TCF7L2: variants seen among roughly 807,000 people sequenced by gnomAD.
The protein encoded by TCF7L2 is transcription factor 7 like 2.
TCF7L2 carries 23 observed loss-of-function variants against 77.9 expected under a neutral mutation model. The ratio of observed to expected loss-of-function variants is 0.30; its 90% CI spans 0.21 to 0.42. The LOEUF (loss-of-function observed/expected upper bound fraction) is 0.42. Among genes scored for constraint, TCF7L2 ranks in the 10% least tolerant of loss-of-function variants. The pLI, the probability that TCF7L2 is intolerant of heterozygous loss-of-function variation, is 1.00. For missense variants in TCF7L2, 654 were observed against 793.1 expected, an observed-to-expected ratio of 0.82 and a Z score of 2.11; for synonymous variants, 413 against 340.2, an observed-to-expected ratio of 1.21 and a Z score of -2.36.
At chr10:113,140,704 C>A (rs72828136) in intron 5 of TCF7L2, among the ~76,000 whole-genome samples, 7 of 152,206 alleles carry the variant, frequency 4.6e-5, no homozygotes, top group Non-Finnish European at 7.4e-5. Context: ...CGGGGGGTGG[C>A]TAAGGAGGCT....
At chr10:112,991,835 C>T (rs1399426241) in intron 4 of TCF7L2, among the ~76,000 whole-genome samples, 15 of 152,076 alleles carry the variant, frequency 9.9e-5, no homozygotes, top group African/African-American at 2.2e-4. Flanking sequence ...CCCACACTGG[C>T]GAACCTATGG....
chr10:113,049,606 A>G (rs1390656811), intron 5 of TCF7L2, among the ~76,000 whole-genome samples: 2 of 152,056 alleles, frequency 1.3e-5, no homozygotes, highest in African/African-American at 2.4e-5. Flanking sequence ...GTAACAGCCT[A>G]TCATCTATCT....
chr10:113,145,962 C>A (rs2136984567), intron 7 of TCF7L2, 49 bp from the exon 8 acceptor site: 2 of 1,222,892 alleles, frequency 1.6e-6, no homozygotes, highest in South Asian at 2.6e-5. Flanking sequence ...TTCTTGTCCC[C>A]ACCCCCACCC....
chr10:113,049,057 A>C (rs1475470128), intron 5 of TCF7L2, among the ~76,000 whole-genome samples: 1 of 152,114 alleles, frequency 6.6e-6, no homozygotes, highest in East Asian at 1.9e-4. Context: ...CTGGCTTGGA[A>C]AGTGTATTGC....
intron 5 of TCF7L2, chr10:113,089,365 A>G: frequency 6.2e-7 from 1 of 1,600,280 alleles, no homozygotes; most frequent in South Asian, 1.1e-5. Context: ...CTCGCTCCCG[A>G]GCCTTACTCT....
At chr10:113,019,619 A>T (rs1048628946) in intron 4 of TCF7L2, among the ~76,000 whole-genome samples, 1 of 152,282 alleles carries the variant, frequency 6.6e-6, no homozygotes, top group African/African-American at 2.4e-5. Context: ...TATGTTTTAA[A>T]TTGTACTTTC....
intron 5 of TCF7L2, among the ~76,000 whole-genome samples, chr10:113,115,779 C>G (rs2063653140): frequency 6.6e-6 from 1 of 152,114 alleles, no homozygotes; most frequent in South Asian, 2.1e-4. Flanking sequence ...TTAAAAACCA[C>G]AACTACCGAC....
chr10:112,959,147 A>G (rs2034434560), intron 3 of TCF7L2, among the ~76,000 whole-genome samples: 1 of 149,186 alleles, frequency 6.7e-6, no homozygotes, highest in African/African-American at 2.5e-5. Flanking sequence ...AATGCCCATC[A>G]CCATAAAGAA....
chr10:113,058,674 T>C (rs1405860188), intron 5 of TCF7L2, among the ~76,000 whole-genome samples: 1 of 152,000 alleles, frequency 6.6e-6, no homozygotes, highest in Non-Finnish European at 1.5e-5. Flanking sequence ...TTGTAAAAGT[T>C]CCAGGTTTTG....
chr10:113,032,257 T>C lies in TCF7L2; in HGVS notation c.451-7768T>C, dbSNP rs562381494. On this transcript the variant is annotated intron_variant, in intron 4 of 13. Coordinates refer to ENST00000627217, the MANE Select transcript of TCF7L2 (RefSeq NM_001146274.2). ...TGTCCGTGTGTGAGCTGCTGTACCA[T>C]AGCCTCCCTGCAGAACCACTAACCT... Among the ~76,000 whole-genome samples the C allele has an allele frequency of 6.6e-5, 10 of 152,330 alleles. No homozygotes were observed. In the South Asian group the frequency reaches 2.1e-3, roughly 32 times the overall value.
intron 5 of TCF7L2, among the ~76,000 whole-genome samples, chr10:113,066,312 C>T (rs368280657): frequency 6.6e-6 from 1 of 151,616 alleles, no homozygotes; most frequent in African/African-American, 2.4e-5. Flanking sequence ...TTGCACTGAG[C>T]TGAGATTGCG....
chr10:113,026,359 A>G (rs1255231260), intron 4 of TCF7L2, among the ~76,000 whole-genome samples: 2 of 151,542 alleles, frequency 1.3e-5, no homozygotes, highest in East Asian at 1.9e-4. Flanking sequence ...CAGAGTTTCA[A>G]CAAGTTGGTC....
At chr10:112,966,187 TATA>T (rs560241361) in intron 4 of TCF7L2, among the ~76,000 whole-genome samples, 2,522 of 20,480 alleles carry the variant, frequency 0.12, 190 homozygotes, top group African/African-American at 0.19. Flanking sequence ...AATATATTTA[TATA>T]TATATATATA....
At chr10:112,999,230 A>G (rs2044040681) in intron 4 of TCF7L2, among the ~76,000 whole-genome samples, 1 of 152,180 alleles carries the variant, frequency 6.6e-6, no homozygotes, top group Non-Finnish European at 1.5e-5. Flanking sequence ...AGGCCTGTGT[A>G]ATAGACGACT....
chr10:113,136,874 C>T (rs993118725), intron 5 of TCF7L2, among the ~76,000 whole-genome samples: 4 of 152,108 alleles, frequency 2.6e-5, no homozygotes, highest in African/African-American at 4.8e-5. Flanking sequence ...TTAAAGACCT[C>T]GTTAGAGAAG....
chr10:113,034,618 G>A (rs2050817106), intron 4 of TCF7L2, among the ~76,000 whole-genome samples: 1 of 152,120 alleles, frequency 6.6e-6, no homozygotes, highest in African/African-American at 2.4e-5. Context: ...GATTTTTTTG[G>A]TCAGACATGG....
chr10:113,099,160 A>T (rs1277748878), intron 5 of TCF7L2, among the ~76,000 whole-genome samples: 1 of 140,332 alleles, frequency 7.1e-6, no homozygotes, highest in Non-Finnish European at 1.6e-5. Context: ...ATTTATGAGA[A>T]TTCAAGCTAA....
At chr10:113,103,214 C>T (rs1462470259) in intron 5 of TCF7L2, among the ~76,000 whole-genome samples, 6 of 152,118 alleles carry the variant, frequency 3.9e-5, no homozygotes, top group Admixed American at 3.9e-4. Context: ...AACCTTCTGT[C>T]CTGTAATGTG....
intron 4 of TCF7L2, among the ~76,000 whole-genome samples, chr10:113,012,618 G>A (rs924529672): frequency 6.6e-6 from 1 of 152,114 alleles, no homozygotes; most frequent in African/African-American, 2.4e-5. Context: ...TGATGAAAGG[G>A]TTTGCTGGCA....
Sources: gnomAD v4.1 joint callset for allele counts (sites outside exome capture counted in the v4.1 genomes callset) on GRCh38, gnomAD v4.1.1 for gene constraint, MANE v1.5 for transcripts, NCBI Gene and HGNC (gene_info 2026-07-23, HGNC 2026-07-21) for gene names.